TPR: variants seen among roughly 807,000 people sequenced by gnomAD.
TPR encodes nucleoprotein TPR.
TPR carries 51 observed loss-of-function variants against 316.1 expected under a neutral mutation model. That is an observed-to-expected ratio of 0.16 (90% CI 0.13 to 0.20). The LOEUF (loss-of-function observed/expected upper bound fraction) is 0.20. Among genes scored for constraint, TPR ranks in the 10% least tolerant of loss-of-function variants. The pLI is 1.00. For synonymous variants in TPR, 981 were observed against 914.7 expected, an observed-to-expected ratio of 1.07 and a Z score of -1.31; for missense variants, 2,272 against 2,754.8, an observed-to-expected ratio of 0.82 and a Z score of 3.92.
chr1:186,336,703 G>T lies in TPR; in HGVS notation c.4507-9C>A. On this transcript the variant is annotated splice_polypyrimidine_tract_variant and intron_variant, in intron 32 of 50. Coordinates refer to ENST00000367478, the MANE Select transcript of TPR (RefSeq NM_003292.3). ...TCTTTTTCAGATAATGTCTTTAAAG[G>T]AAAACAAAGTATTCACCATGGAATT... The T allele has an allele frequency of 6.2e-7, 1 of 1,610,060 alleles. No homozygotes were observed. The highest frequency in any genetic ancestry group is 1.7e-5 in the Admixed American group (1 of 59,646).
At chr1:186,362,508 T>C (rs962022269) in intron 6 of TPR, 128 bp from the exon 7 acceptor site, 1 of 718,820 alleles carries the variant, frequency 1.4e-6, no homozygotes, top group Non-Finnish European at 2.3e-6. Context: ...AATTAAAATA[T>C]GCATATTTAA....
intron 24 of TPR, 26 bp from the exon 25 acceptor site, chr1:186,344,604 T>C (rs1437880402): frequency 8.3e-6 from 12 of 1,451,168 alleles, no homozygotes; most frequent in Non-Finnish European, 1.1e-5. Flanking sequence ...ACCCAATTGA[T>C]ACCAAAGATT....
In TPR at chr1:186,326,126, C is replaced by T. The variant is rs1471912740; in HGVS notation, c.5999G>A (p.Gly2000Asp). 2 of 1,613,624 alleles carry T rather than the reference C, an allele frequency of 1.2e-6. No homozygotes were observed. Among genetic ancestry groups the T allele is most frequent in the Non-Finnish European group, 1.7e-6 (2 of 1,179,658 alleles). Residue 2000 changes from glycine to aspartate, a missense_variant, in exon 41 of 51, where the codon GGT becomes GAT. Gly to Asp is a moderately conservative substitution (Grantham distance 94). Coordinates refer to ENST00000367478, the MANE Select transcript of TPR (RefSeq NM_003292.3). ...TACCTCAGCATCATCAGCTTCATAA[C>T]CATCATTGCCATCGGCACTACCAGT... Reference protein sequence around the residue: ...EGTGSADGNDGYEADDAEGGD... With the variant: ...EGTGSADGNDDYEADDAEGGD...
At position 186,338,186 on chromosome 1, in the gene TPR, T is replaced by C; in HGVS notation, c.4209A>G (p.Leu1403=). ...TTTCCTTTTCAGTTCTTACTTTATT[T>C]AGATCTTCCTTCAGACTCTGAATTA... ...QNLIQSLKED[L]NKVRTEKETI... Residue 1403 remains leucine (L), a synonymous_variant, in exon 31 of 51, where the codon CTA becomes CTG. Transcript: ENST00000367478. 2.5e-6 allele frequency: 4 copies of C among 1,613,050 alleles called. No homozygotes were observed. Among genetic ancestry groups the C allele is most frequent in the Non-Finnish European group, 3.4e-6 (4 of 1,179,570 alleles).
At chr1:186,322,773 C>A in intron 43 of TPR, 187 bp from the exon 44 acceptor site, 1 of 582,660 alleles carries the variant, frequency 1.7e-6, no homozygotes, top group East Asian at 2.9e-5. Context: ...TAATTATAGT[C>A]TATAATATTA....
chr1:186,346,183 T>G lies in TPR; in HGVS notation c.3048A>C (p.Gln1016His), dbSNP rs201727227. ...CTCTTCTTTTATCATCCTGAAGTTC[T>G]TGTTTTTCCTTCTCTACTTCCATCA... ...KKLMEVEKEK[Q>H]ELQDDKRRAI... The change falls in exon 23 of 51, where the codon CAA (glutamine) becomes CAC (histidine). Residue 1016 changes from glutamine (Q) to histidine (H), a missense_variant. Physicochemically the swap from Gln to His is conservative, Grantham distance 24 (BLOSUM62 0). Coordinates refer to ENST00000367478, the MANE Select transcript of TPR (RefSeq NM_003292.3). The G allele has an allele frequency of 1.6e-5, 26 of 1,613,356 alleles. 1 individual carries two copies. In the African/African-American group the frequency reaches 2.3e-4, roughly 14 times the overall value.
intron 1 of TPR, among the ~76,000 whole-genome samples, chr1:186,374,151 A>C (rs767734356): frequency 3.3e-5 from 5 of 152,200 alleles, no homozygotes; most frequent in Admixed American, 6.5e-5. Context: ...CTCCCCAAAC[A>C]AATGGTAAAC....
intron 17 of TPR, 152 bp downstream of exon 17, chr1:186,355,258 A>G: frequency 1.2e-6 from 1 of 815,914 alleles, no homozygotes; most frequent in Non-Finnish European, 1.9e-6. Context: ...TCATTAATCA[A>G]TATGAAAAAA....
At position 186,375,088 on chromosome 1, in the gene TPR, G is replaced by C. The variant is rs1412147638; in HGVS notation, c.-60C>G. On this transcript the variant is annotated 5_prime_UTR_variant, in exon 1 of 51. Transcript: ENST00000367478. Reference sequence around the variant, plus strand: ...GACGGGGTAGAAGCGGAGAAGAAAGGCGAAGACCAGCAGGACCCAGACGCC... The same window carrying C: ...GACGGGGTAGAAGCGGAGAAGAAAGCCGAAGACCAGCAGGACCCAGACGCC... 6.2e-7 allele frequency: 1 copy of C among 1,605,888 alleles called. No individual in the cohort carries two copies. Among genetic ancestry groups the C allele is most frequent in the African/African-American group, 1.3e-5 (1 of 74,686 alleles).
chr1:186,312,742 A>T lies in TPR; in HGVS notation c.*1229T>A, dbSNP rs776117124. On this transcript the variant is annotated 3_prime_UTR_variant, in exon 51 of 51. Transcript: ENST00000367478. ...ATAGTACATTGCCTTTTAATCTGGT[A>T]TCTTTTATTAAACATGCCACTTACA... The T allele has an allele frequency of 2.5e-6, 4 of 1,608,994 alleles. No homozygotes were observed. In the African/African-American group the frequency reaches 5.3e-5, roughly 22 times the overall value.
At chr1:186,350,784 G>A (rs558683066) in intron 20 of TPR, among the ~76,000 whole-genome samples, 9 of 152,324 alleles carry the variant, frequency 5.9e-5, no homozygotes, top group Admixed American at 5.9e-4. Flanking sequence ...GAGCTCTACA[G>A]AGGGTCCTCC....
chr1:186,351,908 G>A, intron 19 of TPR, 68 bp downstream of exon 19: 1 of 1,515,400 alleles, frequency 6.6e-7, no homozygotes, highest in Non-Finnish European at 8.8e-7. Context: ...TAAGGAAATT[G>A]AGAGGATAAA....
At chr1:186,358,182 G>A (rs1659083642) in intron 13 of TPR, among the ~76,000 whole-genome samples, 1 of 152,034 alleles carries the variant, frequency 6.6e-6, no homozygotes, top group Non-Finnish European at 1.5e-5. Flanking sequence ...GTTTATATAT[G>A]CTCATGTATA....
chr1:186,374,470 C>T (rs1640487067), intron 1 of TPR, among the ~76,000 whole-genome samples: 1 of 152,170 alleles, frequency 6.6e-6, no homozygotes, highest in Admixed American at 6.5e-5. Context: ...AACAAGTGCA[C>T]AGAGTGGTCA....
intron 36 of TPR, among the ~76,000 whole-genome samples, chr1:186,333,872 T>C (rs12755651): frequency 7.9e-5 from 12 of 152,150 alleles, no homozygotes; most frequent in Non-Finnish European, 1.6e-4. Flanking sequence ...AATATGCAGG[T>C]AGCAAAGTTT....
Position 186,358,577 on chromosome 1 carries a change from C to T in TPR, c.1463G>A (p.Arg488Lys). ...AAGATCTTTTACTTGTATTTCCATTCTTCGATTATCTCTCTCAAGTACAGA... is the reference window on the plus strand; with the variant it reads ...AAGATCTTTTACTTGTATTTCCATTTTTCGATTATCTCTCTCAAGTACAGA... ...QSSVLERDNRRMEIQVKDLSQ... is the reference protein window; with the variant it reads ...QSSVLERDNRKMEIQVKDLSQ... The change falls in exon 13 of 51, where the codon AGA becomes AAA. Residue 488 changes from arginine to lysine, a missense_variant. By Grantham distance (26) the Arg-to-Lys change is conservative. Coordinates refer to ENST00000367478, the MANE Select transcript of TPR (RefSeq NM_003292.3). 1 of 1,611,254 alleles carries T rather than the reference C, an allele frequency of 6.2e-7. No homozygotes were observed. The highest frequency in any genetic ancestry group is 8.5e-7 in the Non-Finnish European group (1 of 1,178,960).
At chr1:186,322,248 T>C (rs867042624) in intron 45 of TPR, 70 bp downstream of exon 45, 44 of 1,418,556 alleles carry the variant, frequency 3.1e-5, no homozygotes, top group Middle Eastern at 4.8e-4. Context: ...AACCAAATGA[T>C]AAACAAACTA....
At position 186,311,938 on chromosome 1, in the gene TPR, T is replaced by C; in HGVS notation, c.*2033A>G. ...CTGCCAAACTGAGCACTTGTCACTT[T>C]CAATTGAAATTAAATATATAACTAT... On this transcript the variant is annotated 3_prime_UTR_variant, in exon 51 of 51. Coordinates refer to ENST00000367478, the MANE Select transcript of TPR (RefSeq NM_003292.3). The C allele has an allele frequency of 1.8e-6, 1 of 543,792 alleles. No homozygotes were observed. Among genetic ancestry groups the C allele is most frequent in the Non-Finnish European group, 3.2e-6 (1 of 309,430 alleles). 33.7% of individuals were successfully genotyped at this position (543,792 alleles called of 1,614,324 possible). A position where few individuals can be genotyped will look rare whatever the true frequency, so the allele number is the denominator to read the frequency against.
chr1:186,327,005 A>C (rs1258311315), intron 40 of TPR, among the ~76,000 whole-genome samples: 3 of 86,656 alleles, frequency 3.5e-5, no homozygotes, highest in African/African-American at 1.5e-4. Flanking sequence ...ATAATATATT[A>C]AATATATAAT....
Sources: allele counts gnomAD v4.1 joint callset (sites outside exome capture counted in the v4.1 genomes callset), GRCh38; gene constraint gnomAD v4.1.1; transcripts MANE v1.5; gene names NCBI Gene and HGNC (gene_info 2026-07-23, HGNC 2026-07-21).